CCDC178: variants seen among roughly 807,000 people sequenced by gnomAD.
CCDC178 encodes coiled-coil domain containing 178, also known as coiled-coil domain-containing protein 178.
CCDC178 carries 126 observed loss-of-function variants against 117.4 expected under a neutral mutation model. The observed-to-expected ratio is 1.07, with a 90% confidence interval of 0.93 to 1.24. The LOEUF (loss-of-function observed/expected upper bound fraction) is 1.24, where lower values mean the gene tolerates loss of function less well. Among genes scored for constraint, CCDC178 ranks in the 50% most tolerant of loss-of-function variants. The pLI is 0.00. For synonymous variants in CCDC178, 283 were observed against 313.4 expected (o/e 0.90, Z 1.02); for missense variants, 1,030 against 986.9 (o/e 1.04, Z -0.59).
intron 10 of CCDC178, among the ~76,000 whole-genome samples, chr18:33,331,993 A>G (rs1206526914): frequency 6.6e-6 from 1 of 152,250 alleles, no homozygotes; most frequent in African/African-American, 2.4e-5. Context: ...GGCCAACAGA[A>G]GATGAAATGG....
chr18:33,237,405 G>T (rs2059437730), intron 15 of CCDC178, among the ~76,000 whole-genome samples: 1 of 152,084 alleles, frequency 6.6e-6, no homozygotes, highest in East Asian at 1.9e-4. Context: ...ATAAACAGCT[G>T]GTCTGCCCCT....
At chr18:33,291,769 C>T (rs891324317) in intron 12 of CCDC178, among the ~76,000 whole-genome samples, 21 of 151,996 alleles carry the variant, frequency 1.4e-4, no homozygotes, top group African/African-American at 5.1e-4. Flanking sequence ...CCAGGGAATG[C>T]GGCAGCCTCT....
intron 7 of CCDC178, among the ~76,000 whole-genome samples, chr18:33,350,827 A>AC (rs2062966109): frequency 6.6e-6 from 1 of 151,808 alleles, no homozygotes; most frequent in South Asian, 2.1e-4. Context: ...TCTAGGTTTC[A>AC]CTTTTTGAGG....
chr18:33,298,703 T>C (rs773860721), intron 11 of CCDC178, among the ~76,000 whole-genome samples: 61 of 152,156 alleles, frequency 4.0e-4, no homozygotes, highest in Non-Finnish European at 6.5e-4. Flanking sequence ...TGTCCGTCTT[T>C]GTAGATGACA....
intron 12 of CCDC178, among the ~76,000 whole-genome samples, chr18:33,281,352 A>T (rs1203160225): frequency 6.6e-6 from 1 of 152,080 alleles, no homozygotes; most frequent in Non-Finnish European, 1.5e-5. Flanking sequence ...TATCTTAAAA[A>T]ATAAATAATT....
intron 5 of CCDC178, among the ~76,000 whole-genome samples, chr18:33,375,184 C>T (rs1301292570): frequency 8.5e-5 from 13 of 152,136 alleles, no homozygotes; most frequent in African/African-American, 2.4e-5. Flanking sequence ...AACCTTGTAT[C>T]GTTCTCCTAC....
chr18:32,957,513 A>C (rs2054619032), intron 22 of CCDC178, among the ~76,000 whole-genome samples: 1 of 152,144 alleles, frequency 6.6e-6, no homozygotes, highest in Admixed American at 6.6e-5. Flanking sequence ...AACGATGAGA[A>C]ATTTGAACAT....
chr18:33,370,823 G>A (rs1028105919), intron 5 of CCDC178, among the ~76,000 whole-genome samples: 2 of 152,020 alleles, frequency 1.3e-5, no homozygotes, highest in Admixed American at 1.3e-4. Context: ...TCAGTCCGAT[G>A]TGCCTCAGTG....
At position 33,039,492 on chromosome 18, in the gene CCDC178, C is replaced by T. The variant is rs529769391; in HGVS notation, c.2388+53269G>A. On this transcript the variant is annotated intron_variant, in intron 21 of 22. Coordinates refer to ENST00000383096, the MANE Select transcript of CCDC178 (RefSeq NM_001105528.4). ...GCTCACATTGGAGTGAAGCATTGAT[C>T]AGTGGCTACAGGGAAGCCTGCATGA... Among the ~76,000 whole-genome samples the T allele has an allele frequency of 1.3e-4, 20 of 152,120 alleles. No individual in the cohort carries two copies. In the South Asian group the frequency reaches 4.1e-3, roughly 32 times the overall value.
chr18:33,412,014 AT>A lies in CCDC178; in HGVS notation c.58+16del. ...TATGAACTATTTTCAAAGAAAATCAATTTATGATAAACTTACCTATATTGGT... is the reference window on the plus strand; with the variant it reads ...TATGAACTATTTTCAAAGAAAATCAATTATGATAAACTTACCTATATTGGT... On this transcript the variant is annotated intron_variant, in intron 3 of 22. Transcript: ENST00000383096. 2 of 1,322,444 alleles carry A rather than the reference AT, an allele frequency of 1.5e-6. No individual in the cohort carries two copies. Among genetic ancestry groups the A allele is most frequent in the Non-Finnish European group, 2.1e-6 (2 of 942,286 alleles). 81.9% of individuals were successfully genotyped at this position (1,322,444 alleles called of 1,614,324 possible).
chr18:33,364,690 T>C (rs1292193609), intron 6 of CCDC178, among the ~76,000 whole-genome samples: 1 of 149,504 alleles, frequency 6.7e-6, no homozygotes, highest in Non-Finnish European at 1.5e-5. Context: ...GGGATGTCCA[T>C]AGGTGAGATA....
chr18:33,400,977 C>T (rs907829824), intron 3 of CCDC178, among the ~76,000 whole-genome samples: 1 of 151,992 alleles, frequency 6.6e-6, no homozygotes, highest in Non-Finnish European at 1.5e-5. Context: ...TTATTAATGG[C>T]CTAAGTACAA....
chr18:32,944,335 C>A (rs534116357), intron 22 of CCDC178, among the ~76,000 whole-genome samples: 31 of 152,176 alleles, frequency 2.0e-4, no homozygotes, highest in African/African-American at 7.5e-4. Context: ...TTAAATATAT[C>A]AGTGTTCAGA....
At chr18:33,125,603 G>T (rs2057995484) in intron 20 of CCDC178, among the ~76,000 whole-genome samples, 1 of 152,040 alleles carries the variant, frequency 6.6e-6, no homozygotes, top group South Asian at 2.1e-4. Context: ...GTCTCCTCTG[G>T]CTGTGACGTA....
chr18:33,161,235 C>T lies in CCDC178; in HGVS notation c.2238+50661G>A, dbSNP rs182931347. Among the ~76,000 whole-genome samples the T allele has an allele frequency of 9.2e-5, 14 of 152,194 alleles. No homozygotes were observed. The East Asian group carries it at 2.5e-3, about 27-fold the overall frequency. Reference sequence around the variant, plus strand: ...AAATCAAAGATCTGCTTAGGAAATGCTTCAGAACACTGAAAGCCTATTTTT... The same window carrying T: ...AAATCAAAGATCTGCTTAGGAAATGTTTCAGAACACTGAAAGCCTATTTTT... On this transcript the variant is annotated intron_variant, in intron 20 of 22. Transcript: ENST00000383096.
chr18:33,050,742 C>G (rs1042776050), intron 21 of CCDC178, among the ~76,000 whole-genome samples: 1 of 152,174 alleles, frequency 6.6e-6, no homozygotes, highest in African/African-American at 2.4e-5. Flanking sequence ...AGAATATCTT[C>G]ATTGGTGTAA....
intron 21 of CCDC178, 107 bp from the exon 22 acceptor site, chr18:32,974,788 C>G: frequency 1.9e-6 from 2 of 1,042,628 alleles, no homozygotes; most frequent in Non-Finnish European, 2.8e-6. Context: ...AGTCAATAGC[C>G]CATTCTGCAC....
intron 7 of CCDC178, among the ~76,000 whole-genome samples, chr18:33,351,679 A>G (rs1288232672): frequency 6.6e-6 from 1 of 152,058 alleles, no homozygotes; most frequent in Non-Finnish European, 1.5e-5. Flanking sequence ...AGTAGCTAAG[A>G]CTACTGGCAT....
intron 20 of CCDC178, among the ~76,000 whole-genome samples, chr18:33,154,912 C>T (rs2144355938): frequency 6.6e-6 from 1 of 152,148 alleles, no homozygotes; most frequent in Non-Finnish European, 1.5e-5. Context: ...CAGAACTAAA[C>T]AAATCTATAA....
Sources: gnomAD v4.1 joint callset for allele counts (sites outside exome capture counted in the v4.1 genomes callset) on GRCh38, gnomAD v4.1.1 for gene constraint, MANE v1.5 for transcripts, NCBI Gene and HGNC (gene_info 2026-07-23, HGNC 2026-07-21) for gene names.